SPATA16: variants seen among roughly 807,000 people sequenced by gnomAD.
The protein encoded by SPATA16 is spermatogenesis associated 16.
Under a neutral mutation model 63.3 loss-of-function variants are expected in SPATA16, and 36 were observed. The observed-to-expected ratio is 0.57, with a 90% CI of 0.44 to 0.75. SPATA16 has a LOEUF of 0.75. SPATA16 is among the 30% of genes least tolerant of loss of function. SPATA16 has a pLI of 0.00. For missense variants in SPATA16, 646 were observed against 679.3 expected (o/e 0.95, Z 0.54); for synonymous variants, 203 against 216.7 (o/e 0.94, Z 0.56).
chr3:173,068,965 C>T (rs1317206716), intron 2 of SPATA16, among the ~76,000 whole-genome samples: 1 of 151,154 alleles, frequency 6.6e-6, no homozygotes, highest in African/African-American at 2.4e-5. Context: ...AAAAAATTAG[C>T]CGGGCGTGGT....
chr3:172,989,469 A>AT (rs1734528772), intron 4 of SPATA16, among the ~76,000 whole-genome samples: 1 of 152,218 alleles, frequency 6.6e-6, no homozygotes, highest in Non-Finnish European at 1.5e-5. Flanking sequence ...GAGAGACAAT[A>AT]TGGCACAGAG....
At chr3:173,129,286 G>A (rs1406141907) in intron 1 of SPATA16, among the ~76,000 whole-genome samples, 1 of 152,162 alleles carries the variant, frequency 6.6e-6, no homozygotes, top group Non-Finnish European at 1.5e-5. Flanking sequence ...ATGAATTTTG[G>A]ATTTGGAGAG....
At chr3:173,082,127 C>T (rs897800842) in intron 2 of SPATA16, among the ~76,000 whole-genome samples, 1 of 152,094 alleles carries the variant, frequency 6.6e-6, no homozygotes, top group Admixed American at 6.5e-5. Context: ...TTTTAGGTGT[C>T]CCCATAGCAC....
At chr3:173,093,036 C>T (rs1308842434) in intron 2 of SPATA16, among the ~76,000 whole-genome samples, 4 of 130,104 alleles carry the variant, frequency 3.1e-5, no homozygotes, top group South Asian at 2.4e-4. Context: ...TTTTATGCAC[C>T]TAAAACACAC....
chr3:172,911,694 C>T (rs749113938), intron 10 of SPATA16, among the ~76,000 whole-genome samples: 3 of 152,138 alleles, frequency 2.0e-5, no homozygotes, highest in Non-Finnish European at 4.4e-5. Context: ...TTTCCCTATT[C>T]CCTGCTCAAT....
At position 172,938,901 on chromosome 3, in the gene SPATA16, T is replaced by TA. The variant is rs573379072; in HGVS notation, c.1082-13410dup. ...TAAAGGAGAACTGAGGACTGAACTC[T>TA]AACCATGATTCTTGGTTCTAAATGT... On this transcript the variant is annotated intron_variant, in intron 6 of 10. Transcript: ENST00000351008. Among the ~76,000 whole-genome samples, 373 of 127,326 alleles carry TA rather than the reference T, an allele frequency of 2.9e-3. 1 individual carries two copies. The highest frequency in any genetic ancestry group is 4.5e-3 in the Non-Finnish European group (288 of 64,392). 83.5% of individuals were successfully genotyped at this position (127,326 alleles called of 152,430 possible).
chr3:172,891,013 T>TA (rs1283384494), intron 10 of SPATA16, among the ~76,000 whole-genome samples: 1 of 142,582 alleles, frequency 7.0e-6, no homozygotes, highest in African/African-American at 2.5e-5. Flanking sequence ...CACATACACA[T>TA]ATACACTATC....
intron 2 of SPATA16, among the ~76,000 whole-genome samples, chr3:173,053,882 G>C (rs941508599): frequency 6.6e-6 from 1 of 152,018 alleles, no homozygotes; most frequent in African/African-American, 2.4e-5. Flanking sequence ...TCTAAAGATG[G>C]GGAGAAAGTT....
chr3:173,000,754 G>T, intron 4 of SPATA16, among the ~76,000 whole-genome samples: 1 of 150,958 alleles, frequency 6.6e-6, no homozygotes, highest in South Asian at 2.1e-4. Flanking sequence ...TCTAGGTTTG[G>T]AAGTTTTTAT....
At chr3:172,897,078 A>C (rs1361962804) in intron 10 of SPATA16, among the ~76,000 whole-genome samples, 3 of 152,072 alleles carry the variant, frequency 2.0e-5, no homozygotes, top group African/African-American at 7.2e-5. Flanking sequence ...TACATTTTGC[A>C]TTTAAGTCTA....
intron 4 of SPATA16, among the ~76,000 whole-genome samples, chr3:172,985,178 A>G (rs541326838): frequency 2.6e-5 from 4 of 152,168 alleles, no homozygotes; most frequent in Admixed American, 6.5e-5. Flanking sequence ...GACATGTCCT[A>G]TTCTTAGTTC....
rs1429504114 is a variant in SPATA16, at chr3:173,004,965, C to T, written c.848+14521G>A. ...CAGCACAGAACTCTCCAACTTAAAC[C>T]TCCACTCCTTTTGGCTAAATATCTC... On this transcript the variant is annotated intron_variant, in intron 4 of 10. Coordinates refer to ENST00000351008, the MANE Select transcript of SPATA16 (RefSeq NM_031955.6). Among the ~76,000 whole-genome samples the T allele has an allele frequency of 2.6e-5, 4 of 152,316 alleles. 1 individual carries two copies. The South Asian group carries it at 6.2e-4, about 24-fold the overall frequency.
At chr3:173,061,858 A>C (rs1310745624) in intron 2 of SPATA16, among the ~76,000 whole-genome samples, 1 of 152,214 alleles carries the variant, frequency 6.6e-6, no homozygotes, top group Non-Finnish European at 1.5e-5. Flanking sequence ...TTATATTCAT[A>C]CATCAGTGGA....
At chr3:173,083,333 C>A (rs1736967831) in intron 2 of SPATA16, among the ~76,000 whole-genome samples, 1 of 151,772 alleles carries the variant, frequency 6.6e-6, no homozygotes, top group Non-Finnish European at 1.5e-5. Context: ...TTTTAAATCG[C>A]CAGGAATTGG....
chr3:172,906,196 C>A (rs1732234015), intron 10 of SPATA16, among the ~76,000 whole-genome samples: 1 of 152,016 alleles, frequency 6.6e-6, no homozygotes, highest in Non-Finnish European at 1.5e-5. Flanking sequence ...TCTTAAAACT[C>A]CAAGGGACCT....
At chr3:173,138,795 A>C (rs1371416280) in intron 1 of SPATA16, among the ~76,000 whole-genome samples, 1 of 152,238 alleles carries the variant, frequency 6.6e-6, no homozygotes, top group African/African-American at 2.4e-5. Flanking sequence ...ATCCTGTATC[A>C]GGTCAACTCA....
chr3:172,892,530 A>C (rs1377620251), intron 10 of SPATA16, among the ~76,000 whole-genome samples: 1 of 152,224 alleles, frequency 6.6e-6, no homozygotes, highest in East Asian at 1.9e-4. Context: ...CACGATATGC[A>C]GCAAAGTAAG....
chr3:172,973,234 TTCAA>T (rs1269500511), intron 5 of SPATA16, among the ~76,000 whole-genome samples: 1 of 152,192 alleles, frequency 6.6e-6, no homozygotes, highest in Non-Finnish European at 1.5e-5. Flanking sequence ...CAATTTCCAA[TTCAA>T]TCAGATAAAA....
At chr3:173,127,031 G>A (rs1738245215) in intron 1 of SPATA16, among the ~76,000 whole-genome samples, 1 of 152,150 alleles carries the variant, frequency 6.6e-6, no homozygotes. Flanking sequence ...GGTGGGAAGT[G>A]CATCTTTTAA....
Sources: gnomAD v4.1 joint callset for allele counts (sites outside exome capture counted in the v4.1 genomes callset) on GRCh38, gnomAD v4.1.1 for gene constraint, MANE v1.5 for transcripts, NCBI Gene and HGNC (gene_info 2026-07-23, HGNC 2026-07-21) for gene names.